INTS13: variants seen among roughly 807,000 people sequenced by gnomAD.
INTS13 encodes the protein asunder, spermatogenesis regulator homolog (Drosphila).
Under a neutral mutation model 90.2 loss-of-function variants are expected in INTS13, and 35 were observed. That is an observed-to-expected ratio of 0.39 (90% CI 0.30 to 0.51). The LOEUF (loss-of-function observed/expected upper bound fraction) is 0.51. INTS13 is among the 20% of genes least tolerant of loss of function. The pLI, the probability that INTS13 is intolerant of heterozygous loss-of-function variation, is 0.80. For synonymous variants in INTS13, 309 were observed against 277.1 expected, an observed-to-expected ratio of 1.11 and a Z score of -1.14; for missense variants, 601 against 851.2, an observed-to-expected ratio of 0.71 and a Z score of 3.66.
At chr12:26,926,818 G>C (rs1389693784) in intron 5 of INTS13, among the ~76,000 whole-genome samples, 1 of 152,200 alleles carries the variant, frequency 6.6e-6, no homozygotes, top group Non-Finnish European at 1.5e-5. Context: ...GGCAACTTTA[G>C]TGGGATCCTG....
chr12:26,926,966 T>C (rs11048775), intron 5 of INTS13, among the ~76,000 whole-genome samples: 15,499 of 152,168 alleles, frequency 0.1, 1,059 homozygotes, highest in East Asian at 0.16. Context: ...CACACCTACA[T>C]GAAGCCTCCA....
chr12:26,928,060 G>C (rs1007081360), intron 5 of INTS13, 145 bp downstream of exon 5: 8 of 498,148 alleles, frequency 1.6e-5, no homozygotes, highest in African/African-American at 1.5e-4. Flanking sequence ...GGAAAAAAAA[G>C]TTTCTGATCA....
At chr12:26,928,416 C>T in intron 4 of INTS13, 131 bp from the exon 5 acceptor site, 1 of 740,568 alleles carries the variant, frequency 1.4e-6, no homozygotes, top group East Asian at 2.7e-5. Flanking sequence ...CTTTAGTGTG[C>T]TAAGTCATAC....
At chr12:26,927,684 C>T (rs758791055) in intron 5 of INTS13, among the ~76,000 whole-genome samples, 2 of 152,122 alleles carry the variant, frequency 1.3e-5, no homozygotes, top group African/African-American at 2.4e-5. Flanking sequence ...GGCACAGTCT[C>T]GGTTCAATGC....
Position 26,928,782 on chromosome 12 carries a change from C to T in INTS13, c.424G>A (p.Glu142Lys), listed in dbSNP as rs751754345. The change falls in exon 4 of 17, where the codon GAG becomes AAG. Residue 142 changes from glutamate (E) to lysine (K), a missense_variant. Transcript: ENST00000261191. ...TLCKITEYQH[E>K]ARTLLMENAE... ...TTCTCCATGAGTAGAGTACGAGCCT[C>T]ATGTTGGTATTCAGTAATTTTGCAG... is the stretch of plus-strand genomic sequence containing the variant. The T allele has an allele frequency of 2.5e-6, 4 of 1,614,196 alleles. No homozygotes were observed. The highest frequency in any genetic ancestry group is 3.4e-6 in the Non-Finnish European group (4 of 1,180,038).
At chr12:26,928,965 C>T in intron 3 of INTS13, 60 bp from the exon 4 acceptor site, 2 of 1,471,864 alleles carry the variant, frequency 1.4e-6, no homozygotes, top group Non-Finnish European at 1.9e-6. Context: ...ATAAAAATAT[C>T]ACAAGAAAGA....
Position 26,917,561 on chromosome 12 carries a change from T to C in INTS13, c.979+83A>G, listed in dbSNP as rs770931750. The C allele has an allele frequency of 8.7e-6, 12 of 1,380,876 alleles. No individual in the cohort carries two copies. The Admixed American group carries it at 1.6e-4, about 18-fold the overall frequency. 85.5% of individuals were successfully genotyped at this position (1,380,876 alleles called of 1,614,324 possible). On this transcript the variant is annotated intron_variant, in intron 9 of 16. Transcript: ENST00000261191. Reference sequence around the variant, plus strand: ...GTCCTGAAACAATGAAAAACGAAAATGCAAAACAGAATAAATTGACCCCCA... The same window carrying C: ...GTCCTGAAACAATGAAAAACGAAAACGCAAAACAGAATAAATTGACCCCCA...
chr12:26,917,805 TG>T, intron 8 of INTS13, 72 bp from the exon 9 acceptor site: 1 of 1,058,998 alleles, frequency 9.4e-7, no homozygotes. Context: ...CCCATAAATA[TG>T]TACAATTATG....
intron 3 of INTS13, among the ~76,000 whole-genome samples, chr12:26,931,669 A>C (rs938143736): frequency 2.0e-5 from 3 of 152,242 alleles, no homozygotes; most frequent in Admixed American, 2.0e-4. Context: ...GGCAAAGAAC[A>C]TAAGCTACTA....
At chr12:26,931,969 T>C in intron 3 of INTS13, among the ~76,000 whole-genome samples, 1 of 151,320 alleles carries the variant, frequency 6.6e-6, no homozygotes, top group East Asian at 2.0e-4. Context: ...CGCCTGTAAT[T>C]CCAGCTGCTT....
chr12:26,928,152 A>G, intron 5 of INTS13, 53 bp downstream of exon 5: 1 of 1,269,506 alleles, frequency 7.9e-7, no homozygotes, highest in Non-Finnish European at 1.1e-6. Context: ...AAATAATTAT[A>G]ACATATATCT....
At chr12:26,905,828 G>C (rs889501337) in intron 16 of INTS13, among the ~76,000 whole-genome samples, 1 of 151,772 alleles carries the variant, frequency 6.6e-6, no homozygotes, top group Non-Finnish European at 1.5e-5. Flanking sequence ...CAAAACTAAG[G>C]AAAAAATCTC....
At chr12:26,925,077 G>GA (rs1403712143) in intron 6 of INTS13, among the ~76,000 whole-genome samples, 1 of 151,896 alleles carries the variant, frequency 6.6e-6, no homozygotes, top group Non-Finnish European at 1.5e-5. Context: ...AAAAGAGGCA[G>GA]AAAAAAGTTA....
chr12:26,931,861 T>C (rs1050733080), intron 3 of INTS13, among the ~76,000 whole-genome samples: 1 of 151,556 alleles, frequency 6.6e-6, no homozygotes, highest in Non-Finnish European at 1.5e-5. Flanking sequence ...CTGAGGCGGG[T>C]GGATCACCTG....
chr12:26,919,332 T>C (rs1449374873), intron 8 of INTS13, among the ~76,000 whole-genome samples: 1 of 151,598 alleles, frequency 6.6e-6, no homozygotes, highest in Non-Finnish European at 1.5e-5. Context: ...GAGATGAGAA[T>C]AAAAAGGGGG....
chr12:26,932,878 T>C (rs73084611), intron 3 of INTS13, among the ~76,000 whole-genome samples: 1 of 152,212 alleles, frequency 6.6e-6, no homozygotes, highest in Non-Finnish European at 1.5e-5. Flanking sequence ...ACCTACTCCA[T>C]AACATGTAGA....
At chr12:26,907,649 C>G (rs7968486) in intron 15 of INTS13, among the ~76,000 whole-genome samples, 126,844 of 152,238 alleles carry the variant, frequency 0.83, 53,226 homozygotes, top group East Asian at 1. Flanking sequence ...AGAAGAACAA[C>G]CCACAGACTG....
intron 10 of INTS13, 69 bp from the exon 11 acceptor site, chr12:26,916,249 T>G (rs1951932804): frequency 1.3e-5 from 17 of 1,328,764 alleles, no homozygotes; most frequent in Non-Finnish European, 1.7e-5. Flanking sequence ...CCTTGAGATT[T>G]ATGTCTAGAT....
chr12:26,913,682 T>C lies in INTS13; in HGVS notation c.1580A>G (p.Glu527Gly). The C allele has an allele frequency of 6.2e-7, 1 of 1,609,484 alleles. No individual in the cohort carries two copies. The highest frequency in any genetic ancestry group is 8.5e-7 in the Non-Finnish European group (1 of 1,177,106). ...TTCATTCCACATGATACGGTATTGT[T>C]CATCTCTGCAGCAAAGATTTGGAAA... The part of the protein sequence containing the change: ...GTRGKGPKRD[E>G]QYRIMWNELE... The change falls in exon 14 of 17, where the codon GAA (glutamate) becomes GGA (glycine). Residue 527 changes from glutamate to glycine, a missense_variant. Glu to Gly is a moderately conservative substitution (Grantham distance 98). Around this residue, in one of 3 missense-constraint regions of INTS13, gnomAD observed 228 missense variants for 272.5 expected, o/e 0.84. Transcript: ENST00000261191.
Sources: gnomAD v4.1 joint callset for allele counts (sites outside exome capture counted in the v4.1 genomes callset) on GRCh38, gnomAD v4.1.1 for gene constraint, gnomAD v4.1.1 regional missense constraint, MANE v1.5 for transcripts, NCBI Gene and HGNC (gene_info 2026-07-23, HGNC 2026-07-21) for gene names.